MTSS1: variants seen among roughly 807,000 people sequenced by gnomAD.
The protein encoded by MTSS1 is MTSS I-BAR domain containing 1, also known as protein MTSS 1.
MTSS1 carries 18 observed loss-of-function variants against 79.0 expected under a neutral mutation model. The observed-to-expected ratio is 0.23, with a 90% confidence interval of 0.16 to 0.34. The LOEUF is 0.34. Among genes scored for constraint, MTSS1 ranks in the 10% least tolerant of loss-of-function variants. The pLI is 1.00. For missense variants in MTSS1, 815 were observed against 986.2 expected (o/e 0.83, Z 2.33); for synonymous variants, 341 against 368.6 (o/e 0.93, Z 0.86).
At chr8:124,660,479 A>T (rs1480964929) in intron 3 of MTSS1, among the ~76,000 whole-genome samples, 4 of 130,132 alleles carry the variant, frequency 3.1e-5, no homozygotes, top group African/African-American at 1.1e-4. Context: ...CACACCCTCA[A>T]GCTGAAGGGT....
At chr8:124,725,506 A>T (rs1354895975) in intron 1 of MTSS1, among the ~76,000 whole-genome samples, 1 of 152,146 alleles carries the variant, frequency 6.6e-6, no homozygotes, top group Non-Finnish European at 1.5e-5. Flanking sequence ...TAACCTAAAA[A>T]TTTTTATCAA....
chr8:124,596,532 A>T (rs1000720587), intron 3 of MTSS1, among the ~76,000 whole-genome samples: 1 of 152,248 alleles, frequency 6.6e-6, no homozygotes, highest in Non-Finnish European at 1.5e-5. Context: ...CCAAAGCATG[A>T]CTGCTGAGGC....
Position 124,727,506 on chromosome 8 carries a change from G to C in MTSS1, c.72+378C>G. 1 of 461,302 alleles carries C rather than the reference G, an allele frequency of 2.2e-6. No homozygotes were observed. The highest frequency in any genetic ancestry group is 1.6e-5 in the South Asian group (1 of 63,634). 28.6% of individuals were successfully genotyped at this position (461,302 alleles called of 1,614,324 possible). On this transcript the variant is annotated intron_variant, in intron 1 of 13. Transcript: ENST00000518547. This position sits in a 1 kb window ranked among gnomAD's most constrained non-coding sequence, Gnocchi z 4.7. ...CGCCAGGCGCCCCCACCCCGTGCCCGGAGGAATCAGGTGTCCTCCCGGGCA... is the reference window on the plus strand; with the variant it reads ...CGCCAGGCGCCCCCACCCCGTGCCCCGAGGAATCAGGTGTCCTCCCGGGCA...
intron 3 of MTSS1, among the ~76,000 whole-genome samples, chr8:124,604,126 T>A (rs1018443928): frequency 6.6e-6 from 1 of 151,746 alleles, no homozygotes; most frequent in Admixed American, 6.6e-5. Context: ...GGCAGGAAAA[T>A]CGCTTGGACC....
At chr8:124,610,858 G>T (rs1442491753) in intron 3 of MTSS1, among the ~76,000 whole-genome samples, 1 of 152,144 alleles carries the variant, frequency 6.6e-6, no homozygotes, top group Non-Finnish European at 1.5e-5. Context: ...ACAAAAAAAT[G>T]CCTGGAAGGT....
At chr8:124,724,373 T>A (rs1314607879) in intron 1 of MTSS1, among the ~76,000 whole-genome samples, 1 of 152,200 alleles carries the variant, frequency 6.6e-6, no homozygotes, top group Non-Finnish European at 1.5e-5. Flanking sequence ...AGGCCTCTAT[T>A]CTGCTCAGCA....
intron 3 of MTSS1, among the ~76,000 whole-genome samples, chr8:124,618,963 G>C (rs1812932444): frequency 1.3e-5 from 2 of 152,236 alleles, no homozygotes; most frequent in Non-Finnish European, 2.9e-5. Context: ...GATTTGGACA[G>C]ATGTTTACTA....
rs1291308714 is a variant in MTSS1 at position 124,699,612 on chromosome 8, CAG to C, written c.135-15_135-14del. 2.5e-6 allele frequency: 4 copies of C among 1,613,356 alleles called. No individual in the cohort carries two copies. In the East Asian group the frequency reaches 6.7e-5, roughly 27 times the overall value. On this transcript the variant is annotated splice_polypyrimidine_tract_variant and intron_variant, in intron 2 of 13. Transcript: ENST00000518547. ...TACTACTGTTGTCCTAAAATGCAAA[CAG>C]ATAACAAAAGCATAAGGAATGTCTC...
rs377653728 is a variant in MTSS1, at chr8:124,703,122, T to G, written c.134+1008A>C. On this transcript the variant is annotated intron_variant, in intron 2 of 13. Coordinates refer to ENST00000518547, the MANE Select transcript of MTSS1 (RefSeq NM_014751.6). ...CACAATCATCACCGCAATCCAATTTTAGAACATTTCCACCACCCCAAAAGA... is the reference window on the plus strand; with the variant it reads ...CACAATCATCACCGCAATCCAATTTGAGAACATTTCCACCACCCCAAAAGA... Among the ~76,000 whole-genome samples, 103 of 152,198 alleles carry G rather than the reference T, an allele frequency of 6.8e-4. 3 individuals are homozygous for G. The South Asian group carries it at 0.021, about 31-fold the overall frequency.
chr8:124,669,854 G>A (rs1368997683), intron 3 of MTSS1, among the ~76,000 whole-genome samples: 3 of 152,170 alleles, frequency 2.0e-5, no homozygotes, highest in Non-Finnish European at 2.9e-5. Flanking sequence ...CAGATGGTAC[G>A]CGCGTCTTGC....
chr8:124,603,527 G>C (rs945137980), intron 3 of MTSS1, among the ~76,000 whole-genome samples: 2 of 152,226 alleles, frequency 1.3e-5, no homozygotes, highest in African/African-American at 2.4e-5. Context: ...AACTTCAAAT[G>C]AACAAACTGT....
At chr8:124,557,936 C>A in intron 10 of MTSS1, 61 bp from the exon 11 acceptor site, 1 of 1,320,430 alleles carries the variant, frequency 7.6e-7, no homozygotes, top group Non-Finnish European at 1.0e-6. Flanking sequence ...AGGATGAGTG[C>A]GGAGATACAA....
At chr8:124,669,396 C>A (rs1823714238) in intron 3 of MTSS1, among the ~76,000 whole-genome samples, 1 of 152,202 alleles carries the variant, frequency 6.6e-6, no homozygotes, top group African/African-American at 2.4e-5. Context: ...TACAACCACA[C>A]AGCCCAGCAT....
intron 1 of MTSS1, among the ~76,000 whole-genome samples, chr8:124,717,375 A>G (rs550656512): frequency 6.6e-6 from 1 of 152,056 alleles, no homozygotes; most frequent in African/African-American, 2.4e-5. Flanking sequence ...GCATGTCTAT[A>G]GTCCTAGCTA....
chr8:124,658,881 C>T (rs1371605962), intron 3 of MTSS1, among the ~76,000 whole-genome samples: 2 of 152,204 alleles, frequency 1.3e-5, no homozygotes, highest in Non-Finnish European at 2.9e-5. Flanking sequence ...GCCAGCACCT[C>T]GATCTTGGAC....
chr8:124,645,561 G>A (rs1314837680), intron 3 of MTSS1, among the ~76,000 whole-genome samples: 4 of 152,010 alleles, frequency 2.6e-5, no homozygotes, highest in African/African-American at 7.3e-5. Flanking sequence ...ACAGCTATGC[G>A]GATATGTTTC....
At position 124,683,396 on chromosome 8, in the gene MTSS1, T is replaced by C. The variant is rs1424574642; in HGVS notation, c.208+16130A>G. Among the ~76,000 whole-genome samples the C allele has an allele frequency of 2.6e-5, 4 of 152,216 alleles. No homozygotes were observed. The highest frequency in any genetic ancestry group is 2.6e-4 in the Admixed American group (4 of 15,280). ...TTATGTATATATAGATATATACGTA[T>C]ATACACATATAGATATGTACACATA... On this transcript the variant is annotated intron_variant, in intron 3 of 13. Transcript: ENST00000518547. This position sits in a 1 kb window ranked among gnomAD's most constrained non-coding sequence, Gnocchi z 4.5.
chr8:124,616,467 T>C (rs1166588375), intron 3 of MTSS1, among the ~76,000 whole-genome samples: 2 of 151,752 alleles, frequency 1.3e-5, no homozygotes, highest in Non-Finnish European at 2.9e-5. Context: ...ATGGCTAGAT[T>C]ATGTGACCCA....
intron 6 of MTSS1, among the ~76,000 whole-genome samples, chr8:124,583,569 T>C (rs1455194377): frequency 6.6e-6 from 1 of 152,192 alleles, no homozygotes; most frequent in African/African-American, 2.4e-5. Context: ...GGATTATCAC[T>C]GTAGCCAAGA....
Sources: allele counts gnomAD v4.1 joint callset (sites outside exome capture counted in the v4.1 genomes callset), GRCh38; gene constraint gnomAD v4.1.1; non-coding constraint Gnocchi (gnomAD v3.1); transcripts MANE v1.5; gene names NCBI Gene and HGNC (gene_info 2026-07-23, HGNC 2026-07-21).